Variants in UGT1A5 observed in about 807,000 individuals in gnomAD.
UGT1A5 encodes UDP glucuronosyltransferase family 1 member A5, also known as UDP-glucuronosyltransferase 1A5.
In UGT1A5, 29 loss-of-function variants were observed where a neutral mutation model predicts 40.3. The observed-to-expected ratio is 0.72, with a 90% CI of 0.54 to 0.98. The LOEUF is 0.98. Ranked by LOEUF, UGT1A5 falls within the 50% of genes least tolerant of loss-of-function variation. The probability of loss-of-function intolerance (pLI) is 0.00; values close to 1 mark genes in which losing one functional copy is unlikely to be tolerated. For synonymous variants in UGT1A5, 257 were observed against 262.5 expected, an observed-to-expected ratio of 0.98 and a Z score of 0.20; for missense variants, 678 against 677.9, an observed-to-expected ratio of 1.00 and a Z score of 0.00.
At chr2:233,751,284 C>T (rs2125910404) in intron 1 of UGT1A5, among the ~76,000 whole-genome samples, 1 of 152,008 alleles carries the variant, frequency 6.6e-6, no homozygotes, top group East Asian at 1.9e-4. Flanking sequence ...CCAGTTTCTC[C>T]CATTTGGAAT....
chr2:233,754,382 CAG>C (rs1431576597), intron 1 of UGT1A5: 1 of 288,696 alleles, frequency 3.5e-6, no homozygotes, highest in African/African-American at 2.2e-5. Flanking sequence ...GAAAGACAAA[CAG>C]AGGTCCTATC....
At chr2:233,718,795 G>T (rs1190381622) in intron 1 of UGT1A5, 2 of 1,613,210 alleles carry the variant, frequency 1.2e-6, no homozygotes, top group South Asian at 2.2e-5. Flanking sequence ...GGGGTGGACA[G>T]TCAGCTGTCG....
At chr2:233,745,702 A>T (rs1693179488) in intron 1 of UGT1A5, among the ~76,000 whole-genome samples, 1 of 150,000 alleles carries the variant, frequency 6.7e-6, no homozygotes, top group East Asian at 2.0e-4. Flanking sequence ...GAGAACAACA[A>T]GTGATCCAGA....
intron 1 of UGT1A5, among the ~76,000 whole-genome samples, chr2:233,736,953 C>G (rs1030380285): frequency 2.0e-5 from 3 of 152,174 alleles, no homozygotes; most frequent in Admixed American, 1.3e-4. Flanking sequence ...TGTCTGTTGG[C>G]CCCTACTGGG....
intron 1 of UGT1A5, among the ~76,000 whole-genome samples, chr2:233,717,097 A>G (rs1035812992): frequency 6.6e-6 from 1 of 152,144 alleles, no homozygotes; most frequent in South Asian, 2.1e-4. Context: ...TGACATCACT[A>G]TCTAAATAAA....
intron 1 of UGT1A5, chr2:233,744,083 G>T: frequency 2.3e-6 from 1 of 437,754 alleles, no homozygotes; most frequent in South Asian, 2.0e-5. Flanking sequence ...CGCATCCCAA[G>T]ATGCAGTGCT....
chr2:233,713,368 G>C lies in UGT1A5; in HGVS notation c.377G>C (p.Arg126Thr). 3.1e-6 allele frequency: 5 copies of C among 1,614,136 alleles called. No individual in the cohort carries two copies. The highest frequency in any genetic ancestry group is 4.2e-6 in the Non-Finnish European group (5 of 1,180,024). Residue 126 changes from arginine (R) to threonine (T), a missense_variant, in exon 1 of 5, where the codon AGG becomes ACG. Coordinates refer to ENST00000373414, the MANE Select transcript of UGT1A5 (RefSeq NM_019078.2). ...IMNNMSLIIHRSCVELLHNEA... is the reference protein window; with the variant it reads ...IMNNMSLIIHTSCVELLHNEA... ...AACAATATGTCTTTGATCATACATA[G>C]GTCTTGTGTGGAGCTACTGCATAAT...
In UGT1A5 at chr2:233,713,098, C is replaced by T. The variant is rs2076277745; in HGVS notation, c.107C>T (p.Thr36Ile). The change falls in exon 1 of 5, where the codon ACT becomes ATT. Residue 36 changes from threonine to isoleucine, a missense_variant. Physicochemically the swap from Thr to Ile is moderately conservative, Grantham distance 89. Transcript: ENST00000373414. ...AESGKVLVVP[T>I]DGSHWLSMRE... ...AGTGGGAAGGTGCTGGTGGTGCCCA[C>T]TGATGGCAGCCACTGGCTCAGCATG... 2 of 1,614,198 alleles carry T rather than the reference C, an allele frequency of 1.2e-6. No homozygotes were observed. The highest frequency in any genetic ancestry group is 8.5e-7 in the Non-Finnish European group (1 of 1,180,036).
In UGT1A5 at chr2:233,760,202, A is replaced by ACAT. The variant is rs1697345011; in HGVS notation, c.868-6831_868-6829dup. ...TTTTATAGTCACGTGACACAGTCAA[A>ACAT]CATTAACTTGGTGTATCGATTGGTT... is the stretch of plus-strand genomic sequence containing the variant. On this transcript the variant is annotated intron_variant, in intron 1 of 4. Transcript: ENST00000373414. The ACAT allele has an allele frequency of 2.7e-5, 43 of 1,583,728 alleles. No homozygotes were observed. In the South Asian group the frequency reaches 4.6e-4, roughly 17 times the overall value.
At chr2:233,753,682 C>T (rs1184784607) in intron 1 of UGT1A5, 1 of 152,178 alleles carries the variant, frequency 6.6e-6, no homozygotes, top group Non-Finnish European at 1.5e-5. Context: ...CTCACCCAAA[C>T]AATATTACAG....
rs1700239746 is a variant in UGT1A5, at chr2:233,771,113, A to C, written c.1308-1149A>C. The C allele has an allele frequency of 2.0e-5, 3 of 152,176 alleles. No homozygotes were observed. The South Asian group carries it at 6.2e-4, about 32-fold the overall frequency. The allele number at this position is 152,176 out of a possible 1,614,324, so 9.4% of individuals were successfully genotyped here. A position where few individuals can be genotyped will look rare whatever the true frequency, so the allele number is the denominator to read the frequency against. ...TATCAGGAAGACAGCACTAAAGCAC[A>C]AGGGATCCGACCCCATGATCCAAAC... is the stretch of plus-strand genomic sequence containing the variant. On this transcript the variant is annotated intron_variant, in intron 4 of 4. Transcript: ENST00000373414.
chr2:233,744,436 C>T (rs183534266), intron 1 of UGT1A5, among the ~76,000 whole-genome samples: 4 of 151,808 alleles, frequency 2.6e-5, no homozygotes, highest in African/African-American at 2.4e-5. Flanking sequence ...ATCTATCATA[C>T]GTACTGCATT....
At chr2:233,733,112 C>A (rs1009344972) in intron 1 of UGT1A5, among the ~76,000 whole-genome samples, 13 of 152,124 alleles carry the variant, frequency 8.5e-5, no homozygotes, top group African/African-American at 2.9e-4. Flanking sequence ...CTCTGTTTGT[C>A]TGTTATTGGT....
At chr2:233,747,232 G>A in intron 1 of UGT1A5, 1 of 1,605,196 alleles carries the variant, frequency 6.2e-7, no homozygotes, top group Non-Finnish European at 8.5e-7. Context: ...AGGACCCCAG[G>A]TTCCCCTGCT....
chr2:233,719,092 G>A lies in UGT1A5; in HGVS notation c.867+5234G>A, dbSNP rs570129053. 84 of 1,614,240 alleles carry A rather than the reference G, an allele frequency of 5.2e-5. No homozygotes were observed. The highest frequency in any genetic ancestry group is 6.6e-5 in the Non-Finnish European group (78 of 1,180,038). On this transcript the variant is annotated intron_variant, in intron 1 of 4. Transcript: ENST00000373414. Reference sequence around the variant, plus strand: ...CCATGGACCCAGAAGGAATTTGATCGCGTTACGCTGGGCTACACTCAAGGG... The same window carrying A: ...CCATGGACCCAGAAGGAATTTGATCACGTTACGCTGGGCTACACTCAAGGG...
At chr2:233,753,198 T>C (rs1454956854) in intron 1 of UGT1A5, 2 of 152,228 alleles carry the variant, frequency 1.3e-5, no homozygotes. Flanking sequence ...TCAAAAGCCC[T>C]GACAGTCTGT....
chr2:233,754,737 G>T, intron 1 of UGT1A5: 1 of 665,248 alleles, frequency 1.5e-6, no homozygotes, highest in Non-Finnish European at 2.5e-6. Flanking sequence ...ACTACCGTAG[G>T]ACATGCAGAA....
chr2:233,768,630 A>T (rs1213250960), intron 4 of UGT1A5, among the ~76,000 whole-genome samples, 191 bp downstream of exon 4: 3 of 121,000 alleles, frequency 2.5e-5, no homozygotes, highest in African/African-American at 9.7e-5. Flanking sequence ...TCTGTCACCT[A>T]GGCTGGAGTG....
Position 233,767,883 on chromosome 2 carries a change from A to G in UGT1A5, c.1034A>G (p.Asn345Ser), listed in dbSNP as rs1336725166. 1.2e-6 allele frequency: 2 copies of G among 1,614,150 alleles called. No homozygotes were observed. The highest frequency in any genetic ancestry group is 2.2e-5 in the South Asian group (2 of 91,074). Residue 345 changes from asparagine to serine, a missense_variant, in exon 3 of 5, where the codon AAT (asparagine) becomes AGT (serine). Coordinates refer to ENST00000373414, the MANE Select transcript of UGT1A5 (RefSeq NM_019078.2). ...LWRYTGTRPSNLANNTILVKW... is the reference protein window; with the variant it reads ...LWRYTGTRPSSLANNTILVKW... The stretch of plus-strand genomic sequence containing the variant: ...CGGTACACTGGAACCCGACCATCGA[A>G]TCTTGCGAACAACACGATACTTGTT...
Sources: allele counts gnomAD v4.1 joint callset (sites outside exome capture counted in the v4.1 genomes callset), GRCh38; gene constraint gnomAD v4.1.1; transcripts MANE v1.5; gene names NCBI Gene and HGNC (gene_info 2026-07-23, HGNC 2026-07-21).